Variants in CSMD1 observed in about 807,000 individuals in gnomAD.
CSMD1 encodes CUB and Sushi multiple domains 1, also known as CUB and sushi domain-containing protein 1.
Under a neutral mutation model 417.5 loss-of-function variants are expected in CSMD1, and 213 were observed. The observed-to-expected ratio is 0.51, with a 90% CI of 0.46 to 0.57. The LOEUF is 0.57. Among genes scored for constraint, CSMD1 ranks in the 20% least tolerant of loss-of-function variants. The pLI is 0.00. For missense variants in CSMD1, 6,923 were observed against 4,529.7 expected, an observed-to-expected ratio of 1.53 and a Z score of -15.17; for synonymous variants, 2,862 against 1,736.8, an observed-to-expected ratio of 1.65 and a Z score of -16.11.
At chr8:4,095,783 G>T (rs188852375) in intron 3 of CSMD1, among the ~76,000 whole-genome samples, 1 of 152,078 alleles carries the variant, frequency 6.6e-6, no homozygotes, top group Non-Finnish European at 1.5e-5. Flanking sequence ...TCAGTTCTAA[G>T]GTTTTATATA....
chr8:3,225,371 C>G (rs1393597078), intron 27 of CSMD1, among the ~76,000 whole-genome samples: 4 of 150,030 alleles, frequency 2.7e-5, no homozygotes, highest in African/African-American at 4.9e-5. Flanking sequence ...AAGATTAAAA[C>G]TTGATTTTCC....
intron 3 of CSMD1, among the ~76,000 whole-genome samples, chr8:4,267,834 T>C (rs114413148): frequency 2.1e-3 from 315 of 152,228 alleles, no homozygotes; most frequent in African/African-American, 7.2e-3. Context: ...AAAGTGTATA[T>C]AATTTAGCTT....
chr8:4,636,971 C>T (rs186483581), intron 2 of CSMD1, among the ~76,000 whole-genome samples: 3 of 152,052 alleles, frequency 2.0e-5, no homozygotes, highest in African/African-American at 7.2e-5. Context: ...TCAGCAGGAT[C>T]GTAAAAGTAG....
chr8:3,070,157 G>C (rs1813235412), intron 49 of CSMD1, among the ~76,000 whole-genome samples: 1 of 152,196 alleles, frequency 6.6e-6, no homozygotes, highest in Admixed American at 6.5e-5. Flanking sequence ...CTAGGTCTCT[G>C]ATGGGAGGGT....
chr8:3,457,340 G>C (rs1259742606), intron 12 of CSMD1, among the ~76,000 whole-genome samples: 1 of 152,090 alleles, frequency 6.6e-6, no homozygotes, highest in East Asian at 1.9e-4. Context: ...TTTTGCCAAA[G>C]TCTGAAGCTG....
At chr8:4,647,751 T>G (rs536609632) in intron 1 of CSMD1, among the ~76,000 whole-genome samples, 1 of 152,356 alleles carries the variant, frequency 6.6e-6, no homozygotes, top group African/African-American at 2.4e-5. Flanking sequence ...ATCTCATTCC[T>G]TTCTTATGGC....
At chr8:4,141,032 C>T (rs908289317) in intron 3 of CSMD1, among the ~76,000 whole-genome samples, 5 of 151,148 alleles carry the variant, frequency 3.3e-5, no homozygotes, top group Admixed American at 6.6e-5. Context: ...CAAACATTGC[C>T]GTTTCATCTA....
intron 7 of CSMD1, among the ~76,000 whole-genome samples, chr8:3,638,735 G>A (rs1228825441): frequency 1.3e-5 from 2 of 152,152 alleles, no homozygotes; most frequent in Admixed American, 6.5e-5. Context: ...GAATGTAGCT[G>A]TGAACTCAAA....
At chr8:4,524,876 C>A (rs932606121) in intron 2 of CSMD1, among the ~76,000 whole-genome samples, 1 of 151,852 alleles carries the variant, frequency 6.6e-6, no homozygotes. Flanking sequence ...TTAATTTTAC[C>A]ATGACTTCTA....
Position 4,453,873 on chromosome 8 carries a change from G to C in CSMD1, c.303-33808C>G, listed in dbSNP as rs555066605. On this transcript the variant is annotated intron_variant, in intron 2 of 69. Coordinates refer to ENST00000635120, the MANE Select transcript of CSMD1 (RefSeq NM_033225.6). ...GTCTCACTCTGTCACCCACGCTGGA[G>C]TGCACTGGCGCGACCTCGGCTCACT... Among the ~76,000 whole-genome samples the C allele has an allele frequency of 2.3e-3, 311 of 136,244 alleles. 1 individual carries two copies. The highest frequency in any genetic ancestry group is 8.1e-3 in the African/African-American group (291 of 35,866). The allele number at this position is 136,244 out of a possible 152,430, so 89.4% of individuals were successfully genotyped here. A position where few individuals can be genotyped will look rare whatever the true frequency, so the allele number is the denominator to read the frequency against.
At chr8:2,975,668 C>G (rs531149276) in intron 55 of CSMD1, among the ~76,000 whole-genome samples, 2 of 152,276 alleles carry the variant, frequency 1.3e-5, no homozygotes, top group South Asian at 2.1e-4. Context: ...ATGACCATTT[C>G]CAGGTGAAAT....
At chr8:3,572,696 T>A (rs1047443597) in intron 10 of CSMD1, among the ~76,000 whole-genome samples, 1 of 152,212 alleles carries the variant, frequency 6.6e-6, no homozygotes, top group African/African-American at 2.4e-5. Flanking sequence ...AATGTCGCAA[T>A]GGGATACTTC....
At chr8:3,257,773 T>C (rs373603140) in intron 26 of CSMD1, among the ~76,000 whole-genome samples, 1 of 152,094 alleles carries the variant, frequency 6.6e-6, no homozygotes, top group South Asian at 2.1e-4. Context: ...GGGTGGATGA[T>C]GAGGCTTCCA....
At position 4,518,661 on chromosome 8, in the gene CSMD1, A is replaced by G. The variant is rs183105577; in HGVS notation, c.303-98596T>C. 6.7e-5 allele frequency among the ~76,000 whole-genome samples: 10 copies of G among 150,118 alleles called. 1 individual carries two copies. The South Asian group carries it at 1.7e-3, about 26-fold the overall frequency. ...GGAATCGCATTAGGAGATATACCTA[A>G]TGCTAAATGACGAGTTAACGGTGCA... On this transcript the variant is annotated intron_variant, in intron 2 of 69. Coordinates refer to ENST00000635120, the MANE Select transcript of CSMD1 (RefSeq NM_033225.6).
rs1000917483 is a variant in CSMD1, at chr8:4,143,671, T to A, written c.416-111572A>T. Among the ~76,000 whole-genome samples, 51 of 151,066 alleles carry A rather than the reference T, an allele frequency of 3.4e-4. 1 individual carries two copies. The highest frequency in any genetic ancestry group is 3.3e-3 in the Admixed American group (51 of 15,236). ...ATTGACTGTGAGTTCTCCAGGTTCT[T>A]GGCATTTAGAATAATTGGATAAGAT... On this transcript the variant is annotated intron_variant, in intron 3 of 69. Transcript: ENST00000635120.
At chr8:3,109,871 C>T (rs535155032) in intron 43 of CSMD1, among the ~76,000 whole-genome samples, 1 of 151,854 alleles carries the variant, frequency 6.6e-6, no homozygotes, top group East Asian at 1.9e-4. Context: ...AGACACACAT[C>T]ACACACCCAT....
chr8:4,769,353 G>T (rs1447539116), intron 1 of CSMD1, among the ~76,000 whole-genome samples: 1 of 152,056 alleles, frequency 6.6e-6, no homozygotes, highest in Non-Finnish European at 1.5e-5. Context: ...GTATACTATG[G>T]GTTTTATTCA....
At chr8:3,117,103 C>T (rs957110301) in intron 42 of CSMD1, among the ~76,000 whole-genome samples, 1 of 152,118 alleles carries the variant, frequency 6.6e-6, no homozygotes, top group Non-Finnish European at 1.5e-5. Flanking sequence ...CAGAGTCTCA[C>T]TCTCTCGCCC....
At chr8:4,458,577 C>T (rs538828669) in intron 2 of CSMD1, among the ~76,000 whole-genome samples, 6 of 151,982 alleles carry the variant, frequency 3.9e-5, no homozygotes, top group African/African-American at 1.2e-4. Context: ...GACATTGTAA[C>T]AGTAAATACA....
Sources: gnomAD v4.1 joint callset for allele counts (sites outside exome capture counted in the v4.1 genomes callset) on GRCh38, gnomAD v4.1.1 for gene constraint, MANE v1.5 for transcripts, NCBI Gene and HGNC (gene_info 2026-07-23, HGNC 2026-07-21) for gene names.